TMEM260: variants seen among roughly 807,000 people sequenced by gnomAD.
TMEM260 encodes the protein transmembrane protein 260.
In TMEM260, 82 loss-of-function variants were observed where a neutral mutation model predicts 88.9. The observed-to-expected ratio is 0.92, with a 90% CI of 0.77 to 1.11. The LOEUF (loss-of-function observed/expected upper bound fraction) is 1.11. TMEM260 is among the 50% of genes least tolerant of loss of function. The pLI is 0.00. For synonymous variants in TMEM260, 314 were observed against 309.3 expected, an observed-to-expected ratio of 1.02 and a Z score of -0.16; for missense variants, 902 against 853.4, an observed-to-expected ratio of 1.06 and a Z score of -0.71.
At chr14:56,647,185 T>TG in intron 15 of TMEM260, 58 bp from the exon 16 acceptor site, 1 of 1,515,316 alleles carries the variant, frequency 6.6e-7, no homozygotes, top group Non-Finnish European at 8.8e-7. Context: ...TTTTTGTTTT[T>TG]GAAAAAAAAA....
At chr14:56,659,606 C>A in the TMEM260 span, among the ~76,000 whole-genome samples, 1 of 152,186 alleles carries the variant, frequency 6.6e-6, no homozygotes, top group African/African-American at 2.4e-5. Context: ...GGATTAAATT[C>A]CCCTCAAAGC....
At position 56,616,002 on chromosome 14, in the gene TMEM260, T is replaced by G. The variant is rs1412347273; in HGVS notation, c.916T>G (p.Cys306Gly). The change falls in exon 8 of 16, where the codon TGT (cysteine) becomes GGT (glycine). Residue 306 changes from cysteine (C) to glycine (G), a missense_variant. Coordinates refer to ENST00000261556, the MANE Select transcript of TMEM260 (RefSeq NM_017799.4). ...ATTCAACATCCAAGCCCTTGCAGTTTGTGCAAATATATGTTTAGCAACAAA... is the reference window on the plus strand; with the variant it reads ...ATTCAACATCCAAGCCCTTGCAGTTGGTGCAAATATATGTTTAGCAACAAA... ...LSFNIQALAV[C>G]ANICLATKDR... 1 of 1,612,772 alleles carries G rather than the reference T, an allele frequency of 6.2e-7. No homozygotes were observed. The highest frequency in any genetic ancestry group is 1.3e-5 in the African/African-American group (1 of 75,006).
At chr14:56,625,809 C>T (rs1212228935) in intron 12 of TMEM260, among the ~76,000 whole-genome samples, 1 of 152,204 alleles carries the variant, frequency 6.6e-6, no homozygotes, top group African/African-American at 2.4e-5. Flanking sequence ...TGCCTGCCTA[C>T]TTGAAATCAT....
chr14:56,605,454 G>A (rs1886834781), intron 4 of TMEM260, 116 bp from the exon 5 acceptor site: 1 of 447,166 alleles, frequency 2.2e-6, no homozygotes, highest in African/African-American at 2.0e-5. Flanking sequence ...CTTAGAGGTT[G>A]ATTTTAACCT....
downstream of TMEM260, among the ~76,000 whole-genome samples, chr14:56,654,813 T>TA (rs1177660896): frequency 1.1e-4 from 3 of 27,150 alleles, 1 homozygote; most frequent in African/African-American, 5.5e-4. Flanking sequence ...AAACTCCATC[T>TA]CAAAAAAAAA....
chr14:56,660,288 T>G, the TMEM260 span, among the ~76,000 whole-genome samples: 1 of 152,340 alleles, frequency 6.6e-6, no homozygotes, highest in Middle Eastern at 3.4e-3. Context: ...GAGGTGTAGA[T>G]TTATAACTTT....
intron 5 of TMEM260, among the ~76,000 whole-genome samples, chr14:56,606,639 C>G (rs1053599716): frequency 6.6e-6 from 1 of 152,182 alleles, no homozygotes; most frequent in Non-Finnish European, 1.5e-5. Flanking sequence ...CGCCTGTAAT[C>G]CTAGCACTTT....
intron 3 of TMEM260, among the ~76,000 whole-genome samples, chr14:56,598,470 G>C (rs1886378823): frequency 6.6e-6 from 1 of 152,156 alleles, no homozygotes. Flanking sequence ...TTGTGAGGCT[G>C]ATACTGAGCC....
intron 12 of TMEM260, among the ~76,000 whole-genome samples, chr14:56,628,422 A>G (rs35356442): frequency 0.28 from 43,301 of 151,970 alleles, 7,134 homozygotes; most frequent in Non-Finnish European, 0.39. Flanking sequence ...CTCAAATTCA[A>G]TTTTTTTCTA....
chr14:56,616,041 TTCC>T lies in TMEM260; in HGVS notation c.941+16_941+18del. On this transcript the variant is annotated intron_variant, in intron 8 of 15. Transcript: ENST00000261556. The stretch of plus-strand genomic sequence containing the variant: ...TTTAGCAACAAAGTAAGTAATACAA[TTCC>T]TTTTTCTGTTATTTTTCTATGTTCA... 1.3e-6 allele frequency: 2 copies of T among 1,568,770 alleles called. No homozygotes were observed. Among genetic ancestry groups the T allele is most frequent in the Non-Finnish European group, 1.8e-6 (2 of 1,139,838 alleles).
chr14:56,583,006 A>G lies in TMEM260; in HGVS notation c.161-1995A>G, dbSNP rs149272213. On this transcript the variant is annotated intron_variant, in intron 1 of 15. Coordinates refer to ENST00000261556, the MANE Select transcript of TMEM260 (RefSeq NM_017799.4). Reference sequence around the variant, plus strand: ...GACTTTTCCATGGTAAAAAGAAGTTAGAGAAAAACAGCCTATTTTTCTTAA... The same window carrying G: ...GACTTTTCCATGGTAAAAAGAAGTTGGAGAAAAACAGCCTATTTTTCTTAA... Among the ~76,000 whole-genome samples, 3 of 152,342 alleles carry G rather than the reference A, an allele frequency of 2.0e-5. No homozygotes were observed. The East Asian group carries it at 5.8e-4, about 29-fold the overall frequency.
intron 6 of TMEM260, among the ~76,000 whole-genome samples, chr14:56,610,312 C>T (rs1188655009): frequency 1.3e-5 from 2 of 152,164 alleles, no homozygotes; most frequent in Non-Finnish European, 2.9e-5. Flanking sequence ...GCGATCTCAG[C>T]TCGCTGCAAG....
chr14:56,581,093 A>T (rs183433347), intron 1 of TMEM260, among the ~76,000 whole-genome samples: 3 of 152,194 alleles, frequency 2.0e-5, no homozygotes, highest in South Asian at 2.1e-4. Context: ...GTTCTTTGCT[A>T]TGTGGGTCTC....
Position 56,584,311 on chromosome 14 carries a change from C to T in TMEM260, c.161-690C>T, listed in dbSNP as rs1443336554. ...GGTACTACAATGTACAGGGATGAGT[C>T]AGAAATAGTCCCTGTGCTCTGAATA... On this transcript the variant is annotated intron_variant, in intron 1 of 15. Transcript: ENST00000261556. 2.0e-5 allele frequency among the ~76,000 whole-genome samples: 3 copies of T among 151,976 alleles called. No individual in the cohort carries two copies. The South Asian group carries it at 6.2e-4, about 31-fold the overall frequency.
chr14:56,648,905 G>A lies in TMEM260; in HGVS notation c.*1408G>A, dbSNP rs1437737004. 2 of 152,536 alleles carry A rather than the reference G, an allele frequency of 1.3e-5. No homozygotes were observed. The highest frequency in any genetic ancestry group is 2.1e-4 in the South Asian group (1 of 4,816). 9.4% of individuals were successfully genotyped at this position (152,536 alleles called of 1,614,324 possible). On this transcript the variant is annotated 3_prime_UTR_variant, in exon 16 of 16. Transcript: ENST00000261556. ...TGACAGGGCCTTGACTGCACAATTC[G>A]AGCTGAATTTGCCCCTTGTCAGCTG...
At chr14:56,622,688 T>A (rs565842517) in intron 11 of TMEM260, among the ~76,000 whole-genome samples, 2 of 152,268 alleles carry the variant, frequency 1.3e-5, no homozygotes, top group East Asian at 3.9e-4. Context: ...GTCTCTGGTG[T>A]TTTTAGAGCA....
rs1173567195 is a variant in TMEM260, at chr14:56,636,416, C to T, written c.1779-92C>T. On this transcript the variant is annotated intron_variant, in intron 14 of 15. Coordinates refer to ENST00000261556, the MANE Select transcript of TMEM260 (RefSeq NM_017799.4). ...AATACAATAAAGGATTTTGTACATC[C>T]CTTATCAGTGGAGAAGCCTGGAAGA... The T allele has an allele frequency of 4.2e-6, 4 of 949,110 alleles. No homozygotes were observed. In the Admixed American group the frequency reaches 7.3e-5, roughly 17 times the overall value. The allele number at this position is 949,110 out of a possible 1,614,324, so 58.8% of individuals were successfully genotyped here.
chr14:56,643,356 T>G (rs544250074), intron 15 of TMEM260, among the ~76,000 whole-genome samples: 6 of 152,270 alleles, frequency 3.9e-5, no homozygotes, highest in African/African-American at 7.2e-5. Flanking sequence ...TGGTTCAACA[T>G]ACGCAAATCA....
downstream of TMEM260, among the ~76,000 whole-genome samples, chr14:56,653,753 A>C (rs1457887931): frequency 1.4e-5 from 2 of 142,592 alleles, no homozygotes; most frequent in Non-Finnish European, 3.0e-5. Context: ...AAAAAAAAAA[A>C]AACAGGACAT....
Sources: allele counts gnomAD v4.1 joint callset (sites outside exome capture counted in the v4.1 genomes callset), GRCh38; gene constraint gnomAD v4.1.1; transcripts MANE v1.5; gene names NCBI Gene and HGNC (gene_info 2026-07-23, HGNC 2026-07-21).